UBA6: variants seen among roughly 807,000 people sequenced by gnomAD.
UBA6 encodes the protein ubiquitin like modifier activating enzyme 6.
UBA6 carries 87 observed loss-of-function variants against 148.3 expected under a neutral mutation model. The observed-to-expected ratio is 0.59, with a 90% CI of 0.49 to 0.70. The LOEUF (loss-of-function observed/expected upper bound fraction) is 0.70, where lower values mean the gene tolerates loss of function less well. Among genes scored for constraint, UBA6 ranks in the 30% least tolerant of loss-of-function variants. The pLI is 0.00. For synonymous variants in UBA6, 376 were observed against 401.0 expected (o/e 0.94, Z 0.75); for missense variants, 1,186 against 1,241.2 (o/e 0.96, Z 0.67).
chr4:67,635,474 C>A lies in UBA6; in HGVS notation c.1821G>T (p.Leu607Phe). ...KGHTEVIVPH[L>F]TESYNSHRDP... ...TTACATGACTATTGTAAGACTCAGTCAAATGCGGTACAATAACTTCAGTGT... is the reference window on the plus strand; with the variant it reads ...TTACATGACTATTGTAAGACTCAGTAAAATGCGGTACAATAACTTCAGTGT... The change falls in exon 20 of 33, where the codon TTG becomes TTT. Residue 607 changes from leucine (L) to phenylalanine (F), a missense_variant. Leu to Phe is a conservative substitution (Grantham distance 22). Coordinates refer to ENST00000322244, the MANE Select transcript of UBA6 (RefSeq NM_018227.6). The A allele has an allele frequency of 6.2e-7, 1 of 1,605,510 alleles. No homozygotes were observed. Among genetic ancestry groups the A allele is most frequent in the South Asian group, 1.1e-5 (1 of 90,800 alleles).
intron 4 of UBA6, among the ~76,000 whole-genome samples, chr4:67,679,446 T>C (rs1050742974): frequency 6.6e-6 from 1 of 152,040 alleles, no homozygotes; most frequent in African/African-American, 2.4e-5. Context: ...GCAAAACAAA[T>C]ACATGGACTA....
At chr4:67,672,670 A>G (rs749447780) in intron 7 of UBA6, among the ~76,000 whole-genome samples, 25 of 151,372 alleles carry the variant, frequency 1.7e-4, no homozygotes, top group Non-Finnish European at 2.7e-4. Flanking sequence ...CCTCTTTACC[A>G]CTCTATTTTG....
At chr4:67,696,541 AC>A in intron 2 of UBA6, 103 bp downstream of exon 2, 1 of 805,754 alleles carries the variant, frequency 1.2e-6, no homozygotes, top group Non-Finnish European at 2.0e-6. Flanking sequence ...ACACACACAC[AC>A]ATATAATTCT....
intron 29 of UBA6, 46 bp from the exon 30 acceptor site, chr4:67,624,299 T>G: frequency 1.3e-6 from 2 of 1,529,996 alleles, no homozygotes; most frequent in South Asian, 2.6e-5. Context: ...CCTAAAACTA[T>G]CCGTGATTTT....
chr4:67,692,881 G>C (rs1302464702), intron 2 of UBA6, among the ~76,000 whole-genome samples: 1 of 152,178 alleles, frequency 6.6e-6, no homozygotes, highest in African/African-American at 2.4e-5. Flanking sequence ...TGCTATCGTT[G>C]TTACTGACAT....
chr4:67,639,254 G>A lies in UBA6; in HGVS notation c.1555-130C>T, dbSNP rs961240327. Reference sequence around the variant, plus strand: ...TCCATACATATATAATGAGAGTAATGAGACCAGTTTTCATTTTTGGCTTGT... The same window carrying A: ...TCCATACATATATAATGAGAGTAATAAGACCAGTTTTCATTTTTGGCTTGT... On this transcript the variant is annotated intron_variant, in intron 18 of 32. Coordinates refer to ENST00000322244, the MANE Select transcript of UBA6 (RefSeq NM_018227.6). 1.1e-5 allele frequency: 7 copies of A among 640,888 alleles called. No individual in the cohort carries two copies. The Admixed American group carries it at 1.9e-4, about 17-fold the overall frequency. 39.7% of individuals were successfully genotyped at this position (640,888 alleles called of 1,614,324 possible). A position where few individuals can be genotyped will look rare whatever the true frequency, so the allele number is the denominator to read the frequency against.
intron 13 of UBA6, among the ~76,000 whole-genome samples, chr4:67,657,262 A>C (rs960528564): frequency 1.3e-5 from 2 of 152,228 alleles, no homozygotes; most frequent in African/African-American, 4.8e-5. Flanking sequence ...TGGAAGCATC[A>C]TACTATCTGA....
chr4:67,662,851 A>T, intron 12 of UBA6: 1 of 255,094 alleles, frequency 3.9e-6, no homozygotes, highest in Non-Finnish European at 7.4e-6. Flanking sequence ...AAAAATTACT[A>T]TGTGTTAATA....
chr4:67,676,039 T>C (rs1044564258), intron 6 of UBA6, among the ~76,000 whole-genome samples: 3 of 150,000 alleles, frequency 2.0e-5, no homozygotes, highest in Non-Finnish European at 4.5e-5. Context: ...TTTTTTTTTT[T>C]TGAGATGGAG....
chr4:67,682,200 C>T lies in UBA6; in HGVS notation c.148G>A (p.Val50Ile), dbSNP rs1013766853. ...DDALYSRQRY[V>I]LGDTAMQKMA... ...TTCTGCATTGCTGTGTCTCCAAGAA[C>T]GTACCTCTGTCGACTACACGGAAAA... Residue 50 changes from valine (V) to isoleucine (I), a missense_variant, in exon 3 of 33, where the codon GTT becomes ATT. Transcript: ENST00000322244. 4.3e-6 allele frequency: 7 copies of T among 1,613,404 alleles called. No homozygotes were observed. Among genetic ancestry groups the T allele is most frequent in the East Asian group, 4.5e-5 (2 of 44,858 alleles).
chr4:67,633,080 T>C (rs1729038189), intron 23 of UBA6, among the ~76,000 whole-genome samples: 1 of 152,170 alleles, frequency 6.6e-6, no homozygotes. Context: ...GAAACAGACA[T>C]AAAATGTGAT....
chr4:67,671,524 C>T (rs1234322944), intron 7 of UBA6, among the ~76,000 whole-genome samples: 3 of 151,196 alleles, frequency 2.0e-5, no homozygotes, highest in South Asian at 4.2e-4. Flanking sequence ...ATATAAATTA[C>T]GTAAACAAAG....
chr4:67,644,577 A>G, intron 17 of UBA6, 121 bp downstream of exon 17: 1 of 600,662 alleles, frequency 1.7e-6, no homozygotes, highest in South Asian at 2.4e-5. Flanking sequence ...CAATCTTCCA[A>G]TTTTTAGTTT....
intron 21 of UBA6, 52 bp from the exon 22 acceptor site, chr4:67,634,374 C>T: frequency 6.4e-7 from 1 of 1,550,986 alleles, no homozygotes; most frequent in East Asian, 2.3e-5. Flanking sequence ...TGTTTAAAGT[C>T]AGAAATATCT....
At chr4:67,633,999 T>C (rs958431113) in intron 22 of UBA6, among the ~76,000 whole-genome samples, 3 of 152,066 alleles carry the variant, frequency 2.0e-5, no homozygotes, top group Admixed American at 2.0e-4. Flanking sequence ...ATATCTTTAT[T>C]AGCTCGCACC....
chr4:67,636,907 G>C (rs1038264671), intron 19 of UBA6, among the ~76,000 whole-genome samples: 3 of 151,536 alleles, frequency 2.0e-5, no homozygotes, highest in African/African-American at 7.3e-5. Context: ...GGGAAGTGAG[G>C]AGCGCCTCTT....
chr4:67,681,693 C>A, intron 3 of UBA6, 102 bp from the exon 4 acceptor site: 1 of 734,006 alleles, frequency 1.4e-6, no homozygotes. Context: ...CTTTTAACTT[C>A]TTTTTTTACT....
intron 2 of UBA6, among the ~76,000 whole-genome samples, chr4:67,683,520 G>C (rs1182215844): frequency 6.6e-6 from 1 of 151,848 alleles, no homozygotes; most frequent in Admixed American, 6.6e-5. Context: ...CTTTGAATGC[G>C]GCCCAATACA....
intron 2 of UBA6, among the ~76,000 whole-genome samples, chr4:67,690,433 A>T (rs1345353120): frequency 6.6e-6 from 1 of 152,148 alleles, no homozygotes; most frequent in Non-Finnish European, 1.5e-5. Context: ...ACACAACAAA[A>T]GCAAAAATTG....
Sources: allele counts gnomAD v4.1 joint callset (sites outside exome capture counted in the v4.1 genomes callset), GRCh38; gene constraint gnomAD v4.1.1; transcripts MANE v1.5; gene names NCBI Gene and HGNC (gene_info 2026-07-23, HGNC 2026-07-21).